EBF2: variants seen among roughly 807,000 people sequenced by gnomAD.
EBF2 encodes EBF transcription factor 2.
A neutral mutation model predicts 72.8 loss-of-function variants in EBF2; 21 were observed. The observed-to-expected ratio is 0.29, with a 90% CI of 0.20 to 0.42. The LOEUF (loss-of-function observed/expected upper bound fraction) is 0.42. Ranked by LOEUF, EBF2 falls within the 10% of genes least tolerant of loss-of-function variation. The pLI is 1.00. For missense variants in EBF2, 637 were observed against 731.2 expected (o/e 0.87, Z 1.49); for synonymous variants, 299 against 274.2 (o/e 1.09, Z -0.89).
chr8:25,850,257 C>T (rs1373240964), intron 15 of EBF2, among the ~76,000 whole-genome samples: 1 of 152,156 alleles, frequency 6.6e-6, no homozygotes, highest in Non-Finnish European at 1.5e-5. Context: ...GGATTACAGG[C>T]ACCCACAAAC....
chr8:25,935,214 G>A (rs1168224616), intron 6 of EBF2, among the ~76,000 whole-genome samples: 2 of 152,102 alleles, frequency 1.3e-5, no homozygotes, highest in African/African-American at 4.8e-5. Flanking sequence ...GCTGCAGCCA[G>A]TTGGTGCCAA....
At chr8:25,967,841 TCA>T (rs1804137752) in intron 6 of EBF2, among the ~76,000 whole-genome samples, 1 of 152,156 alleles carries the variant, frequency 6.6e-6, no homozygotes, top group East Asian at 1.9e-4. Context: ...CTCAGGACAC[TCA>T]CACGTAAAAC....
chr8:26,033,731 A>G (rs906585565), intron 5 of EBF2, among the ~76,000 whole-genome samples: 1 of 144,516 alleles, frequency 6.9e-6, no homozygotes, highest in Non-Finnish European at 1.5e-5. Context: ...CGTCCTGCAC[A>G]TGGTCCCCTG....
chr8:25,939,092 A>G (rs546902971), intron 6 of EBF2, among the ~76,000 whole-genome samples: 4 of 152,270 alleles, frequency 2.6e-5, no homozygotes, highest in Admixed American at 2.6e-4. Context: ...TGCTCAAGAC[A>G]AAAATCAAAA....
At chr8:25,922,883 T>C (rs1338758336) in intron 6 of EBF2, among the ~76,000 whole-genome samples, 1 of 151,954 alleles carries the variant, frequency 6.6e-6, no homozygotes, top group Non-Finnish European at 1.5e-5. Context: ...TGATTCTTTC[T>C]GACCCTGGAG....
intron 6 of EBF2, among the ~76,000 whole-genome samples, chr8:26,014,446 A>G (rs2117237686): frequency 6.6e-6 from 1 of 152,328 alleles, no homozygotes; most frequent in East Asian, 1.9e-4. Context: ...TAAAAATTAC[A>G]AAATCAAAGT....
chr8:25,861,211 G>A lies in EBF2; in HGVS notation c.1180C>T (p.Arg394Ter), dbSNP rs771443082. The A allele has an allele frequency of 2.5e-6, 4 of 1,612,640 alleles. No individual in the cohort carries two copies. Among genetic ancestry groups the A allele is most frequent in the Non-Finnish European group, 3.4e-6 (4 of 1,179,240 alleles). Residue 394 changes from arginine to a stop codon, truncating the protein, a stop_gained, in exon 13 of 16, where the codon CGA becomes TGA. Transcript: ENST00000520164. LOFTEE classifies it high-confidence loss of function. ...PHNNQDIILK[R>*]AADIAEALYS... ...AGAGCTTCAGCAATGTCTGCGGCTC[G>A]CTTCAAAATGATGTCCTACAAAACA...
At chr8:25,942,020 A>G (rs1184380333) in intron 6 of EBF2, among the ~76,000 whole-genome samples, 3 of 152,078 alleles carry the variant, frequency 2.0e-5, no homozygotes, top group Admixed American at 1.3e-4. Flanking sequence ...GAAATAGAAA[A>G]CCATGTTCCC....
intron 6 of EBF2, among the ~76,000 whole-genome samples, chr8:25,963,796 T>C (rs992795223): frequency 1.3e-5 from 2 of 152,182 alleles, no homozygotes; most frequent in Non-Finnish European, 2.9e-5. Flanking sequence ...ATGGAATATG[T>C]GGATTGCTAG....
intron 6 of EBF2, among the ~76,000 whole-genome samples, chr8:25,936,862 A>G (rs1803587770): frequency 6.6e-6 from 1 of 152,220 alleles, no homozygotes; most frequent in South Asian, 2.1e-4. Flanking sequence ...TCTGTGTTTC[A>G]TGCCTAAAGA....
intron 6 of EBF2, among the ~76,000 whole-genome samples, chr8:26,002,345 G>A (rs1804742323): frequency 6.6e-6 from 1 of 152,216 alleles, no homozygotes; most frequent in South Asian, 2.1e-4. Context: ...AATTATTGAT[G>A]AACTACTTTG....
rs1431823937 is a variant in EBF2 at position 25,886,736 on chromosome 8, G to A, written c.1009+19C>T. 9 of 1,601,912 alleles carry A rather than the reference G, an allele frequency of 5.6e-6. No homozygotes were observed. The highest frequency in any genetic ancestry group is 7.7e-6 in the Non-Finnish European group (9 of 1,174,026). On this transcript the variant is annotated intron_variant, in intron 10 of 15. Transcript: ENST00000520164. ...GCAAACCAGAAGCCAGCCTCTCTTG[G>A]AATCGTTTTCTCACCTACCTGTGTA...
intron 6 of EBF2, among the ~76,000 whole-genome samples, chr8:25,967,414 C>A (rs1325277053): frequency 1.3e-5 from 2 of 152,122 alleles, no homozygotes; most frequent in Admixed American, 6.5e-5. Flanking sequence ...TACATCCAAC[C>A]TAGTGAGCAT....
rs1340877944 is a variant in EBF2, at chr8:25,889,745, G to T, written c.751+7C>A. The T allele has an allele frequency of 1.1e-5, 17 of 1,608,120 alleles. No homozygotes were observed. Among genetic ancestry groups the T allele is most frequent in the Non-Finnish European group, 1.4e-5 (16 of 1,174,568 alleles). On this transcript the variant is annotated splice_region_variant and intron_variant, in intron 8 of 15. Transcript: ENST00000520164. ...GTGTCTGCTATGCTGAGCGCAGGCA[G>T]CCCTACCTTCCGATGGATCGAGTCT...
chr8:26,033,032 G>A lies in EBF2; in HGVS notation c.551+53C>T, dbSNP rs375735953. 331 of 1,519,842 alleles carry A rather than the reference G, an allele frequency of 2.2e-4. 2 individuals are homozygous for A. In the African/African-American group the frequency reaches 3.9e-3, roughly 18 times the overall value. 94.1% of individuals were successfully genotyped at this position (1,519,842 alleles called of 1,614,324 possible). ...CCATGGATCAGTACTCAGAGTTGAG[G>A]TTCATGAAGAAAAGGAACCAAAAAT... On this transcript the variant is annotated intron_variant, in intron 6 of 15. Coordinates refer to ENST00000520164, the MANE Select transcript of EBF2 (RefSeq NM_022659.4).
intron 6 of EBF2, among the ~76,000 whole-genome samples, chr8:26,006,433 T>C (rs1336851210): frequency 6.6e-6 from 1 of 152,258 alleles, no homozygotes; most frequent in Admixed American, 6.5e-5. Context: ...ATTTGCTTAG[T>C]CATTCTTCTC....
At chr8:25,908,434 G>T in intron 7 of EBF2, 40 bp downstream of exon 7, 2 of 1,434,458 alleles carry the variant, frequency 1.4e-6, no homozygotes, top group Non-Finnish European at 1.9e-6. Context: ...GAGAAAACAG[G>T]ATGACTTATT....
At chr8:26,023,183 G>A (rs1451876803) in intron 6 of EBF2, among the ~76,000 whole-genome samples, 6 of 152,186 alleles carry the variant, frequency 3.9e-5, no homozygotes, top group African/African-American at 9.6e-5. Flanking sequence ...GCAGTTTTGG[G>A]AGGTCCTCTT....
intron 5 of EBF2, among the ~76,000 whole-genome samples, chr8:26,036,759 T>G (rs901178): frequency 0.3 from 45,760 of 151,964 alleles, 7,268 homozygotes; most frequent in African/African-American, 0.38. Flanking sequence ...GCCTTCCCTT[T>G]GCTGTGTAAA....
Sources: gnomAD v4.1 joint callset for allele counts (sites outside exome capture counted in the v4.1 genomes callset) on GRCh38, gnomAD v4.1.1 for gene constraint, MANE v1.5 for transcripts, NCBI Gene and HGNC (gene_info 2026-07-23, HGNC 2026-07-21) for gene names.